Variants in DNM2 observed in about 807,000 individuals in gnomAD.
DNM2 encodes dynamin 2.
A neutral mutation model predicts 99.0 loss-of-function variants in DNM2; 15 were observed. That is an observed-to-expected ratio of 0.15 (90% CI 0.10 to 0.23). The LOEUF is 0.23. DNM2 is among the 10% of genes least tolerant of loss of function. The pLI, the probability that DNM2 is intolerant of heterozygous loss-of-function variation, is 1.00. For synonymous variants in DNM2, 525 were observed against 481.2 expected (o/e 1.09, Z -1.19); for missense variants, 742 against 1,189.4 (o/e 0.62, Z 5.53).
chr19:10,747,869 G>C (rs2070048032), intron 1 of DNM2, among the ~76,000 whole-genome samples: 1 of 152,144 alleles, frequency 6.6e-6, no homozygotes, highest in Non-Finnish European at 1.5e-5. Flanking sequence ...CCTATGGCGG[G>C]GGGAGGGAGG....
Position 10,811,410 on chromosome 19 carries a change from C to T in DNM2, c.1558-854C>T, listed in dbSNP as rs1156356123. On this transcript the variant is annotated intron_variant, in intron 14 of 20. Coordinates refer to ENST00000389253, the MANE Select transcript of DNM2 (RefSeq NM_001005361.3). This position sits in a 1 kb window ranked among gnomAD's most constrained non-coding sequence, Gnocchi z 5.4. The stretch of plus-strand genomic sequence containing the variant: ...CCCATCTCTGGCGCTCCTGCCGTGC[C>T]GTGCCCTGCCATGCCCTGCACTGGG... The T allele has an allele frequency of 6.1e-5, 18 of 295,660 alleles. No individual in the cohort carries two copies. Among genetic ancestry groups the T allele is most frequent in the Middle Eastern group, 1.3e-3 (1 of 796 alleles). 18.3% of individuals were successfully genotyped at this position (295,660 alleles called of 1,614,324 possible). A position where few individuals can be genotyped will look rare whatever the true frequency, so the allele number is the denominator to read the frequency against.
chr19:10,779,619 G>A (rs527635397), intron 5 of DNM2, among the ~76,000 whole-genome samples: 6 of 144,172 alleles, frequency 4.2e-5, no homozygotes, highest in Admixed American at 2.2e-4. Context: ...GTGATCCTCC[G>A]AGCTCAGCCT....
Position 10,802,830 on chromosome 19 carries a change from C to T in DNM2, c.1493+472C>T, listed in dbSNP as rs142896664. Among the ~76,000 whole-genome samples the T allele has an allele frequency of 5.9e-4, 90 of 152,300 alleles. No homozygotes were observed. In the Middle Eastern group the frequency reaches 0.01, roughly 17 times the overall value. On this transcript the variant is annotated intron_variant, in intron 12 of 20. Coordinates refer to ENST00000389253, the MANE Select transcript of DNM2 (RefSeq NM_001005361.3). ...ACTGTAGATTTAAACCAGAACCTTCCGTGGCACCCAGATGAGGGCCCACAT... is the reference window on the plus strand; with the variant it reads ...ACTGTAGATTTAAACCAGAACCTTCTGTGGCACCCAGATGAGGGCCCACAT...
intron 1 of DNM2, among the ~76,000 whole-genome samples, chr19:10,745,914 C>A (rs947237155): frequency 1.3e-5 from 2 of 152,222 alleles, no homozygotes; most frequent in Non-Finnish European, 2.9e-5. Flanking sequence ...AGGAGGCCAG[C>A]ATGTGCAAAG....
At chr19:10,808,716 C>T (rs2072440251) in intron 14 of DNM2, 136 bp downstream of exon 14, 2 of 1,157,328 alleles carry the variant, frequency 1.7e-6, no homozygotes, top group South Asian at 1.4e-5. Flanking sequence ...CCTGGAAACC[C>T]CATGCCGCAG....
At chr19:10,783,896 T>A (rs1475281977) in intron 6 of DNM2, among the ~76,000 whole-genome samples, 1 of 151,926 alleles carries the variant, frequency 6.6e-6, no homozygotes, top group African/African-American at 2.4e-5. Flanking sequence ...AGATGGAGTT[T>A]CACCATGTTG....
At chr19:10,718,927 A>G (rs2068844104) in intron 1 of DNM2, among the ~76,000 whole-genome samples, 1 of 152,096 alleles carries the variant, frequency 6.6e-6, no homozygotes, top group Non-Finnish European at 1.5e-5. Flanking sequence ...CCCACCTGGC[A>G]GCCCCCTGCT....
Position 10,723,157 on chromosome 19 carries a change from G to A in DNM2, c.161+4754G>A, listed in dbSNP as rs369990466. ...ATTTTTTTTTTTTTTTTTTTGAGACGGAGTTTCATTCTTGTTGCCCAGGCT... is the reference window on the plus strand; with the variant it reads ...ATTTTTTTTTTTTTTTTTTTGAGACAGAGTTTCATTCTTGTTGCCCAGGCT... On this transcript the variant is annotated intron_variant, in intron 1 of 20. Transcript: ENST00000389253. Among the ~76,000 whole-genome samples, 129 of 141,942 alleles carry A rather than the reference G, an allele frequency of 9.1e-4. 2 individuals carry two copies. Among genetic ancestry groups the A allele is most frequent in the African/African-American group, 3.4e-3 (128 of 37,686 alleles). The allele number at this position is 141,942 out of a possible 152,430, so 93.1% of individuals were successfully genotyped here.
chr19:10,815,269 C>T lies in DNM2; in HGVS notation c.1671+2892C>T, dbSNP rs140032585. Among the ~76,000 whole-genome samples the T allele has an allele frequency of 2.0e-5, 3 of 152,284 alleles. No homozygotes were observed. The East Asian group carries it at 5.8e-4, about 29-fold the overall frequency. On this transcript the variant is annotated intron_variant, in intron 15 of 20. Coordinates refer to ENST00000389253, the MANE Select transcript of DNM2 (RefSeq NM_001005361.3). ...GCAGCCCAAGAAGGGAAAGAAGGGC[C>T]TCTGTGTGTGGGAACTGTGAGTCCA...
intron 16 of DNM2, among the ~76,000 whole-genome samples, chr19:10,822,998 G>A (rs1481835711): frequency 6.6e-6 from 1 of 151,920 alleles, no homozygotes; most frequent in African/African-American, 2.4e-5. Flanking sequence ...CCAGCTACTC[G>A]GGAGGCTGAG....
chr19:10,801,173 G>A lies in DNM2; in HGVS notation c.1423-1115G>A, dbSNP rs554853003. Among the ~76,000 whole-genome samples, 15 of 152,260 alleles carry A rather than the reference G, an allele frequency of 9.9e-5. No homozygotes were observed. The East Asian group carries it at 2.9e-3, about 29-fold the overall frequency. ...TACAAAAAATTAGCCAGGTGGTGTG[G>A]CGTGCGCCTGTGGTCTCAGCTACTC... On this transcript the variant is annotated intron_variant, in intron 11 of 20. Coordinates refer to ENST00000389253, the MANE Select transcript of DNM2 (RefSeq NM_001005361.3).
At chr19:10,785,300 T>A (rs1190153547) in intron 6 of DNM2, among the ~76,000 whole-genome samples, 1 of 151,470 alleles carries the variant, frequency 6.6e-6, no homozygotes, top group East Asian at 1.9e-4. Context: ...TTTTTTTTTT[T>A]GTATTTTTAG....
In DNM2 at chr19:10,724,073, G is replaced by A. The variant is rs2069028187; in HGVS notation, c.161+5670G>A. 6.7e-5 allele frequency among the ~76,000 whole-genome samples: 8 copies of A among 118,754 alleles called. No homozygotes were observed. The South Asian group carries it at 2.0e-3, about 30-fold the overall frequency. 77.9% of individuals were successfully genotyped at this position (118,754 alleles called of 152,430 possible). On this transcript the variant is annotated intron_variant, in intron 1 of 20. Coordinates refer to ENST00000389253, the MANE Select transcript of DNM2 (RefSeq NM_001005361.3). Reference sequence around the variant, plus strand: ...CCTTCCAGCCTGGGCGGAAGAACGAGACCTCGTCTCAAAAAAAAAAAAAAA... The same window carrying A: ...CCTTCCAGCCTGGGCGGAAGAACGAAACCTCGTCTCAAAAAAAAAAAAAAA...
intron 6 of DNM2, 164 bp from the exon 7 acceptor site, chr19:10,786,400 T>G: frequency 8.8e-7 from 1 of 1,137,056 alleles, no homozygotes; most frequent in Non-Finnish European, 1.3e-6. Context: ...CAGACATGAG[T>G]GTGTCTGTGG....
At position 10,784,819 on chromosome 19, in the gene DNM2, A is replaced by ATTTTTTT. The variant is rs35575438; in HGVS notation, c.849+1715_849+1721dup. ...GTATTTATTTTTTATTTTTTTGATGATTTTTTTTTTTTTTTTTTTTTTGAG... is the reference window on the plus strand; with the variant it reads ...GTATTTATTTTTTATTTTTTTGATGATTTTTTTTTTTTTTTTTTTTTTTTTTTTTGAG... On this transcript the variant is annotated intron_variant, in intron 6 of 20. Transcript: ENST00000389253. Among the ~76,000 whole-genome samples the ATTTTTTT allele has an allele frequency of 3.4e-4, 34 of 99,440 alleles. 2 individuals carry two copies. Among genetic ancestry groups the ATTTTTTT allele is most frequent in the Non-Finnish European group, 3.7e-4 (20 of 53,734 alleles). 65.2% of individuals were successfully genotyped at this position (99,440 alleles called of 152,430 possible).
intron 18 of DNM2, among the ~76,000 whole-genome samples, chr19:10,828,020 C>G (rs1489579330): frequency 6.6e-6 from 1 of 150,640 alleles, no homozygotes; most frequent in African/African-American, 2.4e-5. Flanking sequence ...CGCAGTGGCT[C>G]ACTCACGCCT....
In DNM2 at chr19:10,820,401, G is replaced by A. The variant is rs540340581; in HGVS notation, c.1781+312G>A. Among the ~76,000 whole-genome samples, 5 of 152,362 alleles carry A rather than the reference G, an allele frequency of 3.3e-5. No homozygotes were observed. The highest frequency in any genetic ancestry group is 1.2e-4 in the African/African-American group (5 of 41,594). On this transcript the variant is annotated intron_variant, in intron 16 of 20. Transcript: ENST00000389253. This position sits in a 1 kb window ranked among gnomAD's most constrained non-coding sequence, Gnocchi z 4.3. ...CTTGCAGGAGCCCTCTGGTGGCTGA[G>A]AGGGAAACAGTATGAGAGGGTGAGA...
Position 10,830,354 on chromosome 19 carries a change from C to T in DNM2, c.2519C>T (p.Pro840Leu). ...QIPSRPVRIP[P>L]GIPPGVPSRR... is the part of the protein sequence containing the mutation. ...CCATCTCGGCCAGTTCGGATCCCCC[C>T]AGGGATTCCCCCAGGAGTGCCCAGG... The change falls in exon 20 of 21, where the codon CCA (proline) becomes CTA (leucine). Residue 840 changes from proline to leucine, a missense_variant. Physicochemically the swap from Pro to Leu is moderately conservative, Grantham distance 98. Coordinates refer to ENST00000389253, the MANE Select transcript of DNM2 (RefSeq NM_001005361.3). This position sits in a 1 kb window ranked among gnomAD's most constrained non-coding sequence, Gnocchi z 4.8. 6.2e-7 allele frequency: 1 copy of T among 1,612,030 alleles called. No homozygotes were observed. The highest frequency in any genetic ancestry group is 8.5e-7 in the Non-Finnish European group (1 of 1,179,668).
rs121909091 is a variant in DNM2 at position 10,798,543 on chromosome 19, C to T, written c.1393C>T (p.Arg465Trp). 2 of 1,614,190 alleles carry T rather than the reference C, an allele frequency of 1.2e-6. No individual in the cohort carries two copies. Among genetic ancestry groups the T allele is most frequent in the Non-Finnish European group, 1.7e-6 (2 of 1,180,018 alleles). ...ETERIVTTYI[R>W]EREGRTKDQI... ...AGAGCGAATCGTCACCACTTACATCCGGGAACGGGAGGGGAGAACGAAGGA... is the reference window on the plus strand; with the variant it reads ...AGAGCGAATCGTCACCACTTACATCTGGGAACGGGAGGGGAGAACGAAGGA... Residue 465 changes from arginine (R) to tryptophan (W), a missense_variant, in exon 11 of 21, where the codon CGG (arginine) becomes TGG (tryptophan). Physicochemically the swap from Arg to Trp is moderately radical, Grantham distance 101. Coordinates refer to ENST00000389253, the MANE Select transcript of DNM2 (RefSeq NM_001005361.3).
Sources: allele counts gnomAD v4.1 joint callset (sites outside exome capture counted in the v4.1 genomes callset), GRCh38; gene constraint gnomAD v4.1.1; non-coding constraint Gnocchi (gnomAD v3.1); transcripts MANE v1.5; gene names NCBI Gene and HGNC (gene_info 2026-07-23, HGNC 2026-07-21).